Variants in CORO1A observed in about 807,000 individuals in gnomAD.
The protein encoded by CORO1A is coronin 1A, also known as coronin-1A.
A neutral mutation model predicts 44.1 loss-of-function variants in CORO1A; 17 were observed. That is an observed-to-expected ratio of 0.39 (90% confidence interval 0.26 to 0.58). The LOEUF (loss-of-function observed/expected upper bound fraction) is 0.58, where lower values mean the gene tolerates loss of function less well. Ranked by LOEUF, CORO1A falls within the 20% of genes least tolerant of loss-of-function variation. The pLI is 0.62. For synonymous variants in CORO1A, 271 were observed against 244.2 expected, an observed-to-expected ratio of 1.11 and a Z score of -1.02; for missense variants, 415 against 606.5, an observed-to-expected ratio of 0.68 and a Z score of 3.32.
Position 30,186,974 on chromosome 16 carries a change from G to A in CORO1A, c.451+29G>A, listed in dbSNP as rs768657192. 3.1e-6 allele frequency: 5 copies of A among 1,612,880 alleles called. No individual in the cohort carries two copies. In the South Asian group the frequency reaches 4.4e-5, roughly 14 times the overall value. On this transcript the variant is annotated intron_variant, in intron 4 of 10. Coordinates refer to ENST00000219150, the MANE Select transcript of CORO1A (RefSeq NM_007074.4). ...CTGCGGGAGGAGGGGCTTGGGGGTG[G>A]CTCGTGGCCTGCAGTGGATGAGGGC...
At chr16:30,185,089 C>A in intron 1 of CORO1A, 120 bp from the exon 2 acceptor site, 1 of 932,000 alleles carries the variant, frequency 1.1e-6, no homozygotes, top group Non-Finnish European at 1.7e-6. Context: ...ATAGGGAGCC[C>A]CTGGAGATGA....
In CORO1A at chr16:30,185,232, C is replaced by T. The variant is rs763479989; in HGVS notation, c.23C>T (p.Ser8Phe). Reference sequence around the variant, plus strand: ...AGAATGAGCCGGCAGGTGGTCCGCTCCAGCAAGTTCCGCCACGTGTTTGGA... The same window carrying T: ...AGAATGAGCCGGCAGGTGGTCCGCTTCAGCAAGTTCCGCCACGTGTTTGGA... MSRQVVR[S>F]SKFRHVFGQP... Residue 8 changes from serine (S) to phenylalanine (F), a missense_variant, in exon 2 of 11, where the codon TCC (serine) becomes TTC (phenylalanine). Transcript: ENST00000219150. The T allele has an allele frequency of 2.5e-5, 40 of 1,614,172 alleles. No individual in the cohort carries two copies. Among genetic ancestry groups the T allele is most frequent in the Non-Finnish European group, 3.1e-5 (36 of 1,180,016 alleles).
At position 30,186,850 on chromosome 16, in the gene CORO1A, C is replaced by G. The variant is rs981069144; in HGVS notation, c.356C>G (p.Pro119Arg). Residue 119 changes from proline (P) to arginine (R), a missense_variant, in exon 4 of 11, where the codon CCC becomes CGC. Transcript: ENST00000219150. The part of the protein sequence containing the change: ...WEIPDGGLML[P>R]LREPVVTLEG... ...ATCCCAGATGGGGGCCTGATGCTGC[C>G]CCTGCGGGAGCCCGTCGTCACCCTG... 6.2e-7 allele frequency: 1 copy of G among 1,611,676 alleles called. No homozygotes were observed. The highest frequency in any genetic ancestry group is 1.7e-5 in the Admixed American group (1 of 60,006).
intron 6 of CORO1A, 91 bp from the exon 7 acceptor site, chr16:30,187,634 A>C (rs2073357192): frequency 1.3e-6 from 2 of 1,484,950 alleles, no homozygotes; most frequent in African/African-American, 2.8e-5. Context: ...GGTTGTTCCC[A>C]CTGGTTGGTC....
intron 7 of CORO1A, 36 bp downstream of exon 7, chr16:30,187,865 G>GGGGGGGGGGGGGGGGGGGGCCCGGGGGCC: frequency 1.9e-6 from 1 of 513,370 alleles, no homozygotes; most frequent in Non-Finnish European, 3.6e-6. Flanking sequence ...TGGGAGGTGG[G>GGGGGGGGGGGGGGGGGGGGCCCGGGGGCC]CAGGATGGGC....
In CORO1A at chr16:30,184,865, CTG is replaced by C. The variant is rs1277419120; in HGVS notation, c.-1-343_-1-342del. Reference sequence around the variant, plus strand: ...CCATCTGGGCTGATGACGCCTGAGTCTGAACCATTAGGAAGGACGGGCTCTGC... The same window carrying C: ...CCATCTGGGCTGATGACGCCTGAGTCAACCATTAGGAAGGACGGGCTCTGC... On this transcript the variant is annotated intron_variant, in intron 1 of 10. Coordinates refer to ENST00000219150, the MANE Select transcript of CORO1A (RefSeq NM_007074.4). The surrounding 1 kb of genome is among the most constrained non-coding windows in gnomAD (Gnocchi z 4.3). 1.2e-5 allele frequency: 5 copies of C among 417,688 alleles called. No individual in the cohort carries two copies. Among genetic ancestry groups the C allele is most frequent in the African/African-American group, 1.0e-4 (5 of 49,078 alleles). 25.9% of individuals were successfully genotyped at this position (417,688 alleles called of 1,614,324 possible). A position where few individuals can be genotyped will look rare whatever the true frequency, so the allele number is the denominator to read the frequency against.
At chr16:30,187,914 ACCCT>A (rs534787658) in intron 7 of CORO1A, 24 bp from the exon 8 acceptor site, 659 of 1,612,588 alleles carry the variant, frequency 4.1e-4, no homozygotes, top group Non-Finnish European at 4.8e-4. Flanking sequence ...GCTGGTATTG[ACCCT>A]CCCTCCACAC....
Position 30,185,272 on chromosome 16 carries a change from C to T in CORO1A, c.63C>T (p.Ala21=), listed in dbSNP as rs771491737. ...FRHVFGQPAK[A]DQCYEDVRVS... ...ACGTGTTTGGACAGCCGGCCAAGGCCGACCAGTGCTATGAAGATGTGCGCG... is the reference window on the plus strand; with the variant it reads ...ACGTGTTTGGACAGCCGGCCAAGGCTGACCAGTGCTATGAAGATGTGCGCG... Residue 21 remains alanine (A), a synonymous_variant, in exon 2 of 11, where the codon GCC becomes GCT. Coordinates refer to ENST00000219150, the MANE Select transcript of CORO1A (RefSeq NM_007074.4). The T allele has an allele frequency of 1.5e-5, 24 of 1,614,092 alleles. No homozygotes were observed. Among genetic ancestry groups the T allele is most frequent in the East Asian group, 8.9e-5 (4 of 44,900 alleles).
chr16:30,186,265 T>G, intron 2 of CORO1A: 1 of 381,658 alleles, frequency 2.6e-6, no homozygotes, highest in Non-Finnish European at 5.1e-6. Flanking sequence ...CCAGGGCCAG[T>G]TGTGCCCATG....
At chr16:30,186,054 G>A in intron 2 of CORO1A, 1 of 212,862 alleles carries the variant, frequency 4.7e-6, no homozygotes, top group South Asian at 6.6e-5. Context: ...GCCCCACATG[G>A]CTGTCACACA....
At chr16:30,188,656 A>T (rs1371916673) in intron 10 of CORO1A, 80 bp downstream of exon 10, 11 of 1,116,724 alleles carry the variant, frequency 9.9e-6, no homozygotes, top group Non-Finnish European at 1.3e-5. Context: ...AACTCACAAC[A>T]TTGGGAATCT....
chr16:30,187,565 C>T (rs2151062954), intron 6 of CORO1A, 64 bp downstream of exon 6: 1 of 1,562,092 alleles, frequency 6.4e-7, no homozygotes, highest in Non-Finnish European at 8.6e-7. Flanking sequence ...GGTTTCGTCC[C>T]TGCTCTGCCA....
Position 30,184,900 on chromosome 16 carries a change from A to G in CORO1A, c.-1-309A>G. 4 of 493,816 alleles carry G rather than the reference A, an allele frequency of 8.1e-6. No homozygotes were observed. The South Asian group carries it at 8.2e-5, about 10-fold the overall frequency. 30.6% of individuals were successfully genotyped at this position (493,816 alleles called of 1,614,324 possible). ...AGGAAGGACGGGCTCTGCATCCATC[A>G]GCCAGTCAGTCAACAAACATGCAGT... On this transcript the variant is annotated intron_variant, in intron 1 of 10. Transcript: ENST00000219150. The surrounding 1 kb of genome is among the most constrained non-coding windows in gnomAD (Gnocchi z 4.3).
Position 30,187,923 on chromosome 16 carries a change from C to A in CORO1A, c.862-19C>A, listed in dbSNP as rs200859430. The A allele has an allele frequency of 1.2e-6, 2 of 1,613,882 alleles. No individual in the cohort carries two copies. The highest frequency in any genetic ancestry group is 2.7e-5 in the African/African-American group (2 of 75,028). On this transcript the variant is annotated intron_variant, in intron 7 of 10. Transcript: ENST00000219150. Reference sequence around the variant, plus strand: ...GCATCCGCTGGTATTGACCCTCCCTCCACACCTGCCACCTACAGGGTGACA... The same window carrying A: ...GCATCCGCTGGTATTGACCCTCCCTACACACCTGCCACCTACAGGGTGACA...
Position 30,188,527 on chromosome 16 carries a change from A to G in CORO1A, c.1232A>G (p.Asp411Gly). 1.3e-6 allele frequency: 2 copies of G among 1,598,140 alleles called. No individual in the cohort carries two copies. Among genetic ancestry groups the G allele is most frequent in the Non-Finnish European group, 8.5e-7 (1 of 1,171,966 alleles). The change falls in exon 10 of 11, where the codon GAC (aspartate) becomes GGC (glycine). Residue 411 changes from aspartate to glycine, a missense_variant. By Grantham distance (94) the Asp-to-Gly change is moderately conservative. Transcript: ENST00000219150. Reference protein sequence around the residue: ...SRELRVNRGLDTGRRRAAPEA... With the variant: ...SRELRVNRGLGTGRRRAAPEA... ...GAGCTGAGGGTCAACCGGGGCCTGGACACCGGGCGCAGGAGGGCAGCACCA... is the reference window on the plus strand; with the variant it reads ...GAGCTGAGGGTCAACCGGGGCCTGGGCACCGGGCGCAGGAGGGCAGCACCA...
At chr16:30,186,250 T>C (rs2073332357) in intron 2 of CORO1A, 1 of 373,334 alleles carries the variant, frequency 2.7e-6, no homozygotes, top group African/African-American at 2.1e-5. Context: ...ACACCTGTCC[T>C]GGCTCCAGGG....
intron 2 of CORO1A, 163 bp from the exon 3 acceptor site, chr16:30,186,435 T>C: frequency 1.2e-6 from 1 of 814,580 alleles, no homozygotes; most frequent in Admixed American, 2.1e-5. Context: ...ATTTTGGGAC[T>C]GGAACAAGAG....
Position 30,184,659 on chromosome 16 carries a change from G to C in CORO1A, c.-1-550G>C, listed in dbSNP as rs1026288450. Reference sequence around the variant, plus strand: ...CCTGGACCTGAGCCAGAGACCTGCTGGGGAAGCTATCCTGCCGCCTCACTC... The same window carrying C: ...CCTGGACCTGAGCCAGAGACCTGCTCGGGAAGCTATCCTGCCGCCTCACTC... On this transcript the variant is annotated intron_variant, in intron 1 of 10. Transcript: ENST00000219150. This position sits in a 1 kb window ranked among gnomAD's most constrained non-coding sequence, Gnocchi z 4.3. 26 of 193,240 alleles carry C rather than the reference G, an allele frequency of 1.3e-4. No individual in the cohort carries two copies. Among genetic ancestry groups the C allele is most frequent in the Non-Finnish European group, 2.5e-4 (23 of 91,444 alleles). 12.0% of individuals were successfully genotyped at this position (193,240 alleles called of 1,614,324 possible).
At chr16:30,186,549 A>G in intron 2 of CORO1A, 49 bp from the exon 3 acceptor site, 1 of 1,609,890 alleles carries the variant, frequency 6.2e-7, no homozygotes, top group Non-Finnish European at 8.5e-7. Flanking sequence ...GGGAGGTTGG[A>G]TTGGGTTTGG....
Sources: allele counts gnomAD v4.1 joint callset, GRCh38; gene constraint gnomAD v4.1.1; non-coding constraint Gnocchi (gnomAD v3.1); transcripts MANE v1.5; gene names NCBI Gene and HGNC (gene_info 2026-07-23, HGNC 2026-07-21).